Variants in LIPA observed in about 807,000 individuals in gnomAD.
LIPA encodes lipase A, lysosomal acid type, also known as lysosomal acid lipase/cholesteryl ester hydrolase.
A neutral mutation model predicts 40.6 loss-of-function variants in LIPA; 26 were observed. The observed-to-expected ratio is 0.64, with a 90% CI of 0.47 to 0.89. The LOEUF (loss-of-function observed/expected upper bound fraction) is 0.89. LIPA is among the 40% of genes least tolerant of loss of function. The probability of loss-of-function intolerance (pLI) is 0.00; values close to 1 mark genes in which losing one functional copy is unlikely to be tolerated. For synonymous variants in LIPA, 188 were observed against 168.4 expected (o/e 1.12, Z -0.90); for missense variants, 455 against 479.6 (o/e 0.95, Z 0.48).
chr10:89,252,236 A>C (rs950749407), upstream of LIPA, among the ~76,000 whole-genome samples: 1 of 152,260 alleles, frequency 6.6e-6, no homozygotes, highest in Middle Eastern at 3.2e-3. Context: ...TTGCTGCTTT[A>C]AATTTTTTAT....
upstream of LIPA, among the ~76,000 whole-genome samples, chr10:89,255,761 A>C (rs976368368): frequency 2.6e-5 from 4 of 152,066 alleles, no homozygotes; most frequent in Admixed American, 6.5e-5. Flanking sequence ...GGAAATTAGG[A>C]GTTTGTTCTA....
chr10:89,383,552 A>G, intron 2 of LIPA: 1 of 1,614,208 alleles, frequency 6.2e-7, no homozygotes, highest in Non-Finnish European at 8.5e-7. Context: ...AAGGCTGAAG[A>G]CTTAATTCAG....
chr10:89,242,737 AT>A (rs1233048452), intron 3 of LIPA, among the ~76,000 whole-genome samples: 2 of 152,366 alleles, frequency 1.3e-5, no homozygotes, highest in Admixed American at 1.3e-4. Context: ...GTATAGCAGT[AT>A]TTTTGTGTGT....
chr10:89,338,795 C>A lies in LIPA; in HGVS notation c.-2+3816G>T, dbSNP rs778196760. On this transcript the variant is annotated intron_variant, in intron 1 of 5. Coordinates refer to the LIPA transcript ENST00000282673. ...TGTAACCAGATTGAATTTTTAAACA[C>A]TGAGTTCAAAGCTACAATGTACAAC... is the stretch of plus-strand genomic sequence containing the variant. 7 of 1,614,118 alleles carry A rather than the reference C, an allele frequency of 4.3e-6. No homozygotes were observed. In the South Asian group the frequency reaches 7.7e-5, roughly 18 times the overall value.
chr10:89,306,819 G>C (rs1020601979), intron 1 of LIPA: 1 of 1,614,074 alleles, frequency 6.2e-7, no homozygotes, highest in South Asian at 1.1e-5. Flanking sequence ...TGCCAAATTG[G>C]GTGCTGCTAT....
chr10:89,293,104 TGGTTTCCC>T (rs1050299073), intron 1 of LIPA, among the ~76,000 whole-genome samples: 3 of 152,054 alleles, frequency 2.0e-5, no homozygotes, highest in Admixed American at 6.6e-5. Context: ...ATCATAGGGG[TGGTTTCCC>T]CCATATTATT....
At chr10:89,328,931 A>T (rs949044633) in intron 1 of LIPA, among the ~76,000 whole-genome samples, 11 of 152,218 alleles carry the variant, frequency 7.2e-5, no homozygotes, top group Admixed American at 7.2e-4. Context: ...GTGGCTACAT[A>T]TGCATAAACA....
chr10:89,368,337 T>A (rs190358911), intron 2 of LIPA, among the ~76,000 whole-genome samples: 3 of 152,346 alleles, frequency 2.0e-5, no homozygotes, highest in South Asian at 2.1e-4. Flanking sequence ...TCACAAGCCT[T>A]TGGCTACATC....
intron 2 of LIPA, chr10:89,383,968 A>G (rs762591705): frequency 1.9e-6 from 3 of 1,614,178 alleles, no homozygotes; most frequent in Non-Finnish European, 2.5e-6. Flanking sequence ...TGATGTATAT[A>G]TTAGGGTTCT....
intron 1 of LIPA, among the ~76,000 whole-genome samples, chr10:89,261,420 G>T (rs545272686): frequency 3.3e-5 from 5 of 152,144 alleles, no homozygotes; most frequent in Non-Finnish European, 5.9e-5. Flanking sequence ...CAGGAGAATC[G>T]CTTGAACCCG....
At chr10:89,303,760 G>C (rs1356862438) in intron 1 of LIPA, among the ~76,000 whole-genome samples, 1 of 152,186 alleles carries the variant, frequency 6.6e-6, no homozygotes, top group Non-Finnish European at 1.5e-5. Flanking sequence ...GAGCTAAGGA[G>C]TTTATGTGTT....
chr10:89,403,334 A>C (rs1019207597), intron 2 of LIPA: 1 of 1,613,078 alleles, frequency 6.2e-7, no homozygotes, highest in African/African-American at 1.3e-5. Context: ...ATATAGAAGC[A>C]GGCAATCACA....
intron 1 of LIPA, among the ~76,000 whole-genome samples, chr10:89,298,997 T>TA (rs991950837): frequency 5.3e-5 from 8 of 150,080 alleles, no homozygotes; most frequent in South Asian, 2.1e-4. Flanking sequence ...AAATAAAAAA[T>TA]AAAAAAATAA....
intron 1 of LIPA, chr10:89,306,185 G>T: frequency 6.2e-7 from 1 of 1,614,148 alleles, no homozygotes; most frequent in Non-Finnish European, 8.5e-7. Context: ...CTTACGTAAA[G>T]CTGAAGAGTT....
intron 2 of LIPA, among the ~76,000 whole-genome samples, chr10:89,350,806 A>G (rs1184740721): frequency 6.6e-6 from 1 of 152,204 alleles, no homozygotes; most frequent in East Asian, 1.9e-4. Flanking sequence ...AGGGAAACAG[A>G]GTCTTCACAA....
chr10:89,350,994 C>T (rs1843955487), intron 2 of LIPA, among the ~76,000 whole-genome samples: 1 of 152,168 alleles, frequency 6.6e-6, no homozygotes, highest in Non-Finnish European at 1.5e-5. Context: ...AGGGCCCCAG[C>T]CTATGAACCT....
At chr10:89,359,605 T>C (rs923152966) in intron 2 of LIPA, among the ~76,000 whole-genome samples, 1 of 152,198 alleles carries the variant, frequency 6.6e-6, no homozygotes, top group African/African-American at 2.4e-5. Context: ...CTCTAGATTA[T>C]GCTGGACTGA....
At chr10:89,393,241 G>T (rs747035461) in intron 2 of LIPA, 27 of 1,289,718 alleles carry the variant, frequency 2.1e-5, no homozygotes, top group African/African-American at 3.0e-5. Flanking sequence ...TAGGCTTCTG[G>T]TCTCACTTTC....
chr10:89,405,832 C>A (rs1343406138), intron 2 of LIPA: 1 of 152,154 alleles, frequency 6.6e-6, no homozygotes, highest in Admixed American at 6.5e-5. Context: ...TCTGCAAAGT[C>A]CCTTTTGCTA....
Sources: allele counts gnomAD v4.1 joint callset (sites outside exome capture counted in the v4.1 genomes callset), GRCh38; gene constraint gnomAD v4.1.1; transcripts MANE v1.5; gene names NCBI Gene and HGNC (gene_info 2026-07-23, HGNC 2026-07-21).